The following CDH18 variants were observed in gnomAD, a reference collection of about 807,000 sequenced individuals.
CDH18 encodes cadherin 18, also known as cadherin-18.
In CDH18, 31 loss-of-function variants were observed where a neutral mutation model predicts 67.9. That is an observed-to-expected ratio of 0.46 (90% CI 0.34 to 0.62). CDH18 has a LOEUF of 0.62. Ranked by LOEUF, CDH18 falls within the 20% of genes least tolerant of loss-of-function variation. The pLI is 0.01. For missense variants in CDH18, 890 were observed against 975.5 expected, an observed-to-expected ratio of 0.91 and a Z score of 1.17; for synonymous variants, 362 against 347.2, an observed-to-expected ratio of 1.04 and a Z score of -0.48.
chr5:19,496,349 A>G (rs758211102), intron 11 of CDH18, among the ~76,000 whole-genome samples: 1 of 152,172 alleles, frequency 6.6e-6, no homozygotes, highest in Non-Finnish European at 1.5e-5. Context: ...TGGGAAACAT[A>G]TTATCATTTG....
chr5:20,049,658 C>G (rs1206015328), intron 2 of CDH18, among the ~76,000 whole-genome samples: 1 of 151,646 alleles, frequency 6.6e-6, no homozygotes, highest in East Asian at 1.9e-4. Context: ...TTTGGCTTCA[C>G]GGTAATATTT....
intron 2 of CDH18, 111 bp from the exon 3 acceptor site, chr5:19,839,353 T>C (rs1581587569): frequency 8.9e-6 from 2 of 223,744 alleles, no homozygotes; most frequent in East Asian, 1.0e-4. Context: ...AAAGAACATA[T>C]GCAAAATCTC....
chr5:19,908,970 A>T (rs1790830694), intron 2 of CDH18, among the ~76,000 whole-genome samples: 1 of 152,142 alleles, frequency 6.6e-6, no homozygotes, highest in African/African-American at 2.4e-5. Context: ...ACTTGATTTC[A>T]TATTTTGGGC....
chr5:20,375,772 T>G (rs372119714), intron 1 of CDH18, among the ~76,000 whole-genome samples: 103 of 152,252 alleles, frequency 6.8e-4, no homozygotes, highest in African/African-American at 2.4e-3. Flanking sequence ...CTAGTGTGTC[T>G]AGATGATTTA....
chr5:20,409,146 T>C (rs1226264607), intron 1 of CDH18, among the ~76,000 whole-genome samples: 1 of 151,784 alleles, frequency 6.6e-6, no homozygotes, highest in Non-Finnish European at 1.5e-5. Context: ...GGAAACATGA[T>C]GTAAGCAACA....
chr5:19,774,020 A>G (rs1014526846), intron 3 of CDH18, among the ~76,000 whole-genome samples: 3 of 152,224 alleles, frequency 2.0e-5, no homozygotes, highest in Non-Finnish European at 4.4e-5. Context: ...CTATTTCTCT[A>G]TATAGCTAGA....
intron 7 of CDH18, among the ~76,000 whole-genome samples, chr5:19,585,677 G>C (rs1744032061): frequency 6.6e-6 from 1 of 152,076 alleles, no homozygotes; most frequent in South Asian, 2.1e-4. Context: ...AAACACTCTT[G>C]TCTCCCAACT....
chr5:20,519,863 C>A (rs1046816120), intron 1 of CDH18, among the ~76,000 whole-genome samples: 4 of 143,856 alleles, frequency 2.8e-5, no homozygotes, highest in African/African-American at 1.0e-4. Flanking sequence ...GGCAGATGTC[C>A]TTTTTTATTT....
In CDH18 at chr5:19,994,701, GTATATATA is replaced by G. The variant is rs1166254040; in HGVS notation, c.-517-2695_-517-2688del. Among the ~76,000 whole-genome samples, 170 of 22,438 alleles carry G rather than the reference GTATATATA, an allele frequency of 7.6e-3. 3 individuals are homozygous for G. Among genetic ancestry groups the G allele is most frequent in the African/African-American group, 0.013 (65 of 4,900 alleles). The allele number at this position is 22,438 out of a possible 152,430, so 14.7% of individuals were successfully genotyped here. A position where few individuals can be genotyped will look rare whatever the true frequency, so the allele number is the denominator to read the frequency against. On this transcript the variant is annotated intron_variant, in intron 2 of 14. Coordinates refer to the CDH18 transcript ENST00000507958. ...CCAAGTCAAATGCTAACCTCTTCCA[GTATATATA>G]TATATATATATATATATATATATAT...
At chr5:19,789,658 T>C (rs1581363496) in intron 3 of CDH18, among the ~76,000 whole-genome samples, 1 of 152,260 alleles carries the variant, frequency 6.6e-6, no homozygotes, top group Admixed American at 6.5e-5. Context: ...CAATATGAAC[T>C]TCTATTGCAA....
At chr5:20,204,986 G>T (rs1320863666) in intron 2 of CDH18, among the ~76,000 whole-genome samples, 1 of 151,718 alleles carries the variant, frequency 6.6e-6, no homozygotes, top group Non-Finnish European at 1.5e-5. Flanking sequence ...AAAACAGTAA[G>T]AAAGGGAGAA....
intron 2 of CDH18, among the ~76,000 whole-genome samples, chr5:19,897,064 T>A (rs971116875): frequency 6.6e-6 from 1 of 152,126 alleles, no homozygotes; most frequent in African/African-American, 2.4e-5. Flanking sequence ...AGCATATTAA[T>A]CATAAGGAAA....
intron 1 of CDH18, among the ~76,000 whole-genome samples, chr5:19,986,866 G>C (rs886279962): frequency 6.6e-6 from 1 of 152,044 alleles, no homozygotes; most frequent in African/African-American, 2.4e-5. Flanking sequence ...AAATAAAAAA[G>C]AACAATTATT....
At chr5:19,484,645 G>A (rs964014576) in intron 11 of CDH18, among the ~76,000 whole-genome samples, 3 of 152,178 alleles carry the variant, frequency 2.0e-5, no homozygotes, top group Non-Finnish European at 2.9e-5. Flanking sequence ...GGTTACAAAC[G>A]TTGGGCCATC....
chr5:19,781,227 A>C (rs1366650720), intron 3 of CDH18, among the ~76,000 whole-genome samples: 3 of 152,182 alleles, frequency 2.0e-5, no homozygotes, highest in Non-Finnish European at 4.4e-5. Context: ...AAAGAAAAAA[A>C]CAGCAAATTA....
intron 1 of CDH18, among the ~76,000 whole-genome samples, chr5:20,533,011 C>T (rs1166135712): frequency 6.6e-6 from 1 of 151,842 alleles, no homozygotes; most frequent in African/African-American, 2.4e-5. Flanking sequence ...TTTTTGGAGA[C>T]ATCTTTCCAG....
At chr5:19,958,633 T>C (rs1263641130) in intron 2 of CDH18, among the ~76,000 whole-genome samples, 1 of 151,910 alleles carries the variant, frequency 6.6e-6, no homozygotes, top group East Asian at 1.9e-4. Flanking sequence ...ACAGGTAAAA[T>C]AGTCTCTATA....
rs564737834 is a variant in CDH18 at position 20,250,290 on chromosome 5, T to A, written c.-518+5154A>T. The stretch of plus-strand genomic sequence containing the variant: ...AGTCTGACAATTTTATTTTTTTTTT[T>A]ATTTTATTTATTTATTTTTTTCAGA... On this transcript the variant is annotated intron_variant, in intron 2 of 14. Coordinates refer to the CDH18 transcript ENST00000507958. Among the ~76,000 whole-genome samples, 27 of 151,890 alleles carry A rather than the reference T, an allele frequency of 1.8e-4. No homozygotes were observed. In the East Asian group the frequency reaches 3.1e-3, roughly 17 times the overall value.
At chr5:20,486,698 T>TATATATATATATATATATAC (rs1241021314) in intron 1 of CDH18, among the ~76,000 whole-genome samples, 1 of 150,426 alleles carries the variant, frequency 6.6e-6, no homozygotes, top group Non-Finnish European at 1.5e-5. Context: ...TATATATATA[T>TATATATATATATATATATAC]ACATATATGT....
Sources: gnomAD v4.1 joint callset for allele counts (sites outside exome capture counted in the v4.1 genomes callset) on GRCh38, gnomAD v4.1.1 for gene constraint, MANE v1.5 for transcripts, NCBI Gene and HGNC (gene_info 2026-07-23, HGNC 2026-07-21) for gene names.